Variants in CYBRD1 observed in about 807,000 individuals in gnomAD.
CYBRD1 encodes plasma membrane ascorbate-dependent reductase CYBRD1.
CYBRD1 carries 14 observed loss-of-function variants against 21.9 expected under a neutral mutation model. The ratio of observed to expected loss-of-function variants is 0.64; its 90% CI spans 0.42 to 1.00. CYBRD1 has a LOEUF of 1.00. CYBRD1 is among the 50% of genes least tolerant of loss of function. The probability of loss-of-function intolerance (pLI) is 0.00; values close to 1 mark genes in which losing one functional copy is unlikely to be tolerated. For synonymous variants in CYBRD1, 146 were observed against 136.5 expected, an observed-to-expected ratio of 1.07 and a Z score of -0.48; for missense variants, 328 against 352.5, an observed-to-expected ratio of 0.93 and a Z score of 0.56.
At chr2:171,539,687 C>G (rs908207458) in intron 1 of CYBRD1, 6 of 151,822 alleles carry the variant, frequency 4.0e-5, no homozygotes, top group East Asian at 1.9e-4. Flanking sequence ...TTGCTTAAAC[C>G]AGGACACTTA....
At chr2:171,532,601 A>G (rs557141958) in intron 1 of CYBRD1, among the ~76,000 whole-genome samples, 24 of 151,480 alleles carry the variant, frequency 1.6e-4, no homozygotes, top group African/African-American at 2.2e-4. Flanking sequence ...GGAGCTGGAG[A>G]CCAGCCTGAA....
At chr2:171,539,742 T>TC (rs1361642524) in intron 1 of CYBRD1, 5 of 146,342 alleles carry the variant, frequency 3.4e-5, no homozygotes, top group South Asian at 2.2e-4. Flanking sequence ...TTTTTTTTTT[T>TC]CCCCGAGACG....
In CYBRD1 at chr2:171,546,164, G is replaced by A. The variant is rs138128265; in HGVS notation, c.402+4371G>A. 1.3e-3 allele frequency among the ~76,000 whole-genome samples: 195 copies of A among 152,316 alleles called. 1 individual carries two copies. The highest frequency in any genetic ancestry group is 4.5e-3 in the African/African-American group (187 of 41,566). On this transcript the variant is annotated intron_variant, in intron 2 of 3. Transcript: ENST00000321348. ...CTTGCTCAGATCCAGAGGACAGGTA[G>A]TGTTTAAGAAAACAGGATTTGCAAT...
At chr2:171,534,864 T>C (rs1454240028) in intron 1 of CYBRD1, among the ~76,000 whole-genome samples, 1 of 152,232 alleles carries the variant, frequency 6.6e-6, no homozygotes, top group Non-Finnish European at 1.5e-5. Context: ...ATGTTAAGAT[T>C]TTCAGCAACA....
At chr2:171,543,929 C>T (rs1697673821) in intron 2 of CYBRD1, among the ~76,000 whole-genome samples, 1 of 152,200 alleles carries the variant, frequency 6.6e-6, no homozygotes, top group Non-Finnish European at 1.5e-5. Flanking sequence ...CTGGTCCTCA[C>T]ATCTAAAGGT....
intron 2 of CYBRD1, among the ~76,000 whole-genome samples, chr2:171,544,646 A>G (rs1242415665): frequency 6.6e-6 from 1 of 152,168 alleles, no homozygotes; most frequent in African/African-American, 2.4e-5. Context: ...TTTTTTCCAG[A>G]TGGGTAAACT....
intron 2 of CYBRD1, among the ~76,000 whole-genome samples, chr2:171,551,750 C>T (rs1683380752): frequency 6.6e-6 from 1 of 152,132 alleles, no homozygotes; most frequent in Non-Finnish European, 1.5e-5. Flanking sequence ...TTATTGCTAG[C>T]TCCTTGCTAT....
intron 2 of CYBRD1, 52 bp downstream of exon 2, chr2:171,541,845 G>A (rs371607813): frequency 1.6e-4 from 180 of 1,126,824 alleles, no homozygotes; most frequent in Non-Finnish European, 2.1e-4. Context: ...TTCAGAGACT[G>A]TAAATGTTTT....
At chr2:171,549,460 A>T (rs1429452229) in intron 2 of CYBRD1, among the ~76,000 whole-genome samples, 2 of 152,248 alleles carry the variant, frequency 1.3e-5, no homozygotes, top group Non-Finnish European at 2.9e-5. Flanking sequence ...GTTAAAGTTT[A>T]TAAGATGTAG....
intron 1 of CYBRD1, among the ~76,000 whole-genome samples, chr2:171,525,492 G>A (rs1697371139): frequency 6.6e-6 from 1 of 152,118 alleles, no homozygotes; most frequent in South Asian, 2.1e-4. Context: ...GGAAGGAGGG[G>A]GAGTAATAAA....
At chr2:171,528,422 G>A (rs1452292146) in intron 1 of CYBRD1, among the ~76,000 whole-genome samples, 1 of 151,988 alleles carries the variant, frequency 6.6e-6, no homozygotes, top group Non-Finnish European at 1.5e-5. Flanking sequence ...TTCTTCACCT[G>A]GTAAGTTGGG....
intron 1 of CYBRD1, among the ~76,000 whole-genome samples, chr2:171,529,766 A>G (rs1485361176): frequency 6.6e-6 from 1 of 152,118 alleles, no homozygotes. Context: ...ATCAGAGCTT[A>G]AAGTCCCCTT....
At chr2:171,551,063 C>T (rs372268075) in intron 2 of CYBRD1, 2 of 207,126 alleles carry the variant, frequency 9.7e-6, no homozygotes, top group African/African-American at 2.3e-5. Context: ...CTCAAGCAAT[C>T]CTCCTGCCTC....
intron 2 of CYBRD1, among the ~76,000 whole-genome samples, chr2:171,548,681 C>T (rs34470927): frequency 0.021 from 2,759 of 132,730 alleles, 89 homozygotes; most frequent in African/African-American, 0.073. Context: ...ACCATACCTA[C>T]TACAAAAGCT....
At position 171,541,848 on chromosome 2, in the gene CYBRD1, A is replaced by G. The variant is rs972747332; in HGVS notation, c.402+55A>G. The G allele has an allele frequency of 4.6e-6, 6 of 1,311,318 alleles. No homozygotes were observed. In the African/African-American group the frequency reaches 7.5e-5, roughly 16 times the overall value. The allele number at this position is 1,311,318 out of a possible 1,614,324, so 81.2% of individuals were successfully genotyped here. A position where few individuals can be genotyped will look rare whatever the true frequency, so the allele number is the denominator to read the frequency against. On this transcript the variant is annotated intron_variant, in intron 2 of 3. Coordinates refer to ENST00000321348, the MANE Select transcript of CYBRD1 (RefSeq NM_024843.4). ...TTATAAAAACAATTCAGAGACTGTA[A>G]ATGTTTTCTTTTCTTTTTTTTTTTT...
intron 1 of CYBRD1, among the ~76,000 whole-genome samples, chr2:171,534,074 A>G (rs1330254577): frequency 2.0e-5 from 3 of 152,350 alleles, no homozygotes; most frequent in Admixed American, 6.5e-5. Context: ...TAAGATAATT[A>G]TACACAGGTA....
At chr2:171,548,579 G>C (rs1697753240) in intron 2 of CYBRD1, among the ~76,000 whole-genome samples, 1 of 148,852 alleles carries the variant, frequency 6.7e-6, no homozygotes, top group South Asian at 2.1e-4. Flanking sequence ...ATGAAGGAGA[G>C]CTGGGAGGAG....
intron 2 of CYBRD1, among the ~76,000 whole-genome samples, chr2:171,549,896 T>G (rs1697773818): frequency 6.6e-6 from 1 of 152,194 alleles, no homozygotes; most frequent in African/African-American, 2.4e-5. Flanking sequence ...TAATGGAATA[T>G]TCCACTACCT....
chr2:171,531,448 T>C lies in CYBRD1; in HGVS notation c.193+8710T>C, dbSNP rs376999871. ...TTGGACACGAGTTATGGTTTCTTTC[T>C]TTTTGCTTGTTTGTTTTGATACAGG... On this transcript the variant is annotated intron_variant, in intron 1 of 3. Coordinates refer to ENST00000321348, the MANE Select transcript of CYBRD1 (RefSeq NM_024843.4). 6.6e-5 allele frequency among the ~76,000 whole-genome samples: 10 copies of C among 152,232 alleles called. 1 individual carries two copies. The highest frequency in any genetic ancestry group is 2.4e-4 in the African/African-American group (10 of 41,546).
Sources: allele counts gnomAD v4.1 joint callset (sites outside exome capture counted in the v4.1 genomes callset), GRCh38; gene constraint gnomAD v4.1.1; transcripts MANE v1.5; gene names NCBI Gene and HGNC (gene_info 2026-07-23, HGNC 2026-07-21).